The following MOB1A variants were observed in gnomAD, a reference collection of about 807,000 sequenced individuals.
MOB1A encodes the protein MOB1 Mps One Binder homolog A.
A neutral mutation model predicts 25.1 loss-of-function variants in MOB1A; 10 were observed. The ratio of observed to expected loss-of-function variants is 0.40; its 90% CI spans 0.25 to 0.68. The LOEUF (loss-of-function observed/expected upper bound fraction) is 0.68. Among genes scored for constraint, MOB1A ranks in the 30% least tolerant of loss-of-function variants. The probability of loss-of-function intolerance (pLI) is 0.40; values close to 1 mark genes in which losing one functional copy is unlikely to be tolerated. For synonymous variants in MOB1A, 81 were observed against 79.5 expected (o/e 1.02, Z -0.10); for missense variants, 177 against 256.3 (o/e 0.69, Z 2.11).
chr2:74,158,158 C>T (rs1167236291), intron 5 of MOB1A, among the ~76,000 whole-genome samples: 4 of 130,484 alleles, frequency 3.1e-5, no homozygotes, highest in South Asian at 2.3e-4. Context: ...CCAGTCTGGG[C>T]GACAGAGCAA....
chr2:74,157,355 C>G (rs1692833280), intron 5 of MOB1A, among the ~76,000 whole-genome samples: 1 of 152,036 alleles, frequency 6.6e-6, no homozygotes, highest in South Asian at 2.1e-4. Context: ...TCTCCTTTGG[C>G]CCTACACATC....
intron 2 of MOB1A, among the ~76,000 whole-genome samples, chr2:74,167,572 A>T (rs1693168041): frequency 6.6e-6 from 1 of 151,952 alleles, no homozygotes; most frequent in African/African-American, 2.4e-5. Flanking sequence ...TGGATATACA[A>T]TATGATTACA....
chr2:74,163,482 A>G (rs766771447), intron 4 of MOB1A, among the ~76,000 whole-genome samples: 3 of 151,920 alleles, frequency 2.0e-5, no homozygotes, highest in Non-Finnish European at 4.4e-5. Flanking sequence ...ACAAAAAATA[A>G]ACAAAATTAG....
At chr2:74,158,203 A>G (rs373867349) in intron 5 of MOB1A, among the ~76,000 whole-genome samples, 414 of 40,640 alleles carry the variant, frequency 0.01, 2 homozygotes, top group African/African-American at 0.025. Context: ...AAGAGGGGGG[A>G]AAAAAAAAAA....
chr2:74,171,572 G>A (rs1394095217), intron 2 of MOB1A, among the ~76,000 whole-genome samples: 2 of 152,152 alleles, frequency 1.3e-5, no homozygotes, highest in African/African-American at 4.8e-5. Flanking sequence ...GGAATTCACT[G>A]TACTTAGTCT....
In MOB1A at chr2:74,152,889, TGA is replaced by T. The variant is rs1692696260; in HGVS notation, c.*3677_*3678del. Reference sequence around the variant, plus strand: ...ACTTGTTTGGAACAGAATCTGATAATGAGAGAAAACTCAAATGAATGTCAGTG... The same window carrying T: ...ACTTGTTTGGAACAGAATCTGATAATGAGAAAACTCAAATGAATGTCAGTG... On this transcript the variant is annotated 3_prime_UTR_variant, in exon 6 of 6. Transcript: ENST00000396049. The T allele has an allele frequency of 6.6e-6, 1 of 152,190 alleles. No homozygotes were observed. Among genetic ancestry groups the T allele is most frequent in the African/African-American group, 2.4e-5 (1 of 41,442 alleles). The allele number at this position is 152,190 out of a possible 1,614,324, so 9.4% of individuals were successfully genotyped here. A position where few individuals can be genotyped will look rare whatever the true frequency, so the allele number is the denominator to read the frequency against.
intron 4 of MOB1A, among the ~76,000 whole-genome samples, chr2:74,161,165 G>T (rs1692960004): frequency 6.6e-6 from 1 of 152,016 alleles, no homozygotes; most frequent in South Asian, 2.1e-4. Flanking sequence ...GAAAACAAAG[G>T]CTTAAAACAC....
chr2:74,168,513 C>T (rs1178807330), intron 2 of MOB1A, among the ~76,000 whole-genome samples: 1 of 152,138 alleles, frequency 6.6e-6, no homozygotes, highest in African/African-American at 2.4e-5. Context: ...CATGGTGGCA[C>T]ACGCCTGTAG....
chr2:74,166,933 A>C lies in MOB1A; in HGVS notation c.275+81T>G, dbSNP rs75391049. ...AATCACCTTCACACAAACGGATAAC[A>C]AATCTTAACTGTTTAATTTCTATCA... On this transcript the variant is annotated intron_variant, in intron 3 of 5. Transcript: ENST00000396049. 1.8e-4 allele frequency: 186 copies of C among 1,024,804 alleles called. No homozygotes were observed. The East Asian group carries it at 4.4e-3, about 24-fold the overall frequency. The allele number at this position is 1,024,804 out of a possible 1,614,324, so 63.5% of individuals were successfully genotyped here.
intron 2 of MOB1A, among the ~76,000 whole-genome samples, chr2:74,170,186 G>C (rs1190736614): frequency 6.6e-6 from 1 of 151,906 alleles, no homozygotes; most frequent in East Asian, 2.0e-4. Context: ...CTGTCGCCCA[G>C]GCTATAGTGC....
intron 2 of MOB1A, 39 bp downstream of exon 2, chr2:74,172,547 C>T: frequency 6.3e-7 from 1 of 1,580,374 alleles, no homozygotes; most frequent in Non-Finnish European, 8.6e-7. Context: ...TTTAGCAAAA[C>T]CTTTCTAGAA....
At chr2:74,170,724 CAAA>C (rs34655105) in intron 2 of MOB1A, among the ~76,000 whole-genome samples, 2 of 121,898 alleles carry the variant, frequency 1.6e-5, no homozygotes, top group Non-Finnish European at 3.4e-5. Flanking sequence ...GATTCCATCT[CAAA>C]AAAAAAAAAA....
At chr2:74,168,636 AAAAT>A (rs1693198094) in intron 2 of MOB1A, among the ~76,000 whole-genome samples, 1 of 152,194 alleles carries the variant, frequency 6.6e-6, no homozygotes, top group South Asian at 2.1e-4. Flanking sequence ...CTGTCTCGAA[AAAAT>A]AAATAAATAA....
intron 2 of MOB1A, among the ~76,000 whole-genome samples, chr2:74,168,030 G>T (rs1693181315): frequency 6.6e-6 from 1 of 152,112 alleles, no homozygotes; most frequent in South Asian, 2.1e-4. Flanking sequence ...TCCCAGCTAT[G>T]TAGGAGGCTG....
At chr2:74,162,523 T>C (rs929128029) in intron 4 of MOB1A, among the ~76,000 whole-genome samples, 6 of 152,064 alleles carry the variant, frequency 3.9e-5, no homozygotes, top group African/African-American at 1.4e-4. Flanking sequence ...AAAAGAATTA[T>C]TTACCTTCCA....
chr2:74,177,118 G>A (rs1049827943), intron 1 of MOB1A, among the ~76,000 whole-genome samples: 1 of 152,076 alleles, frequency 6.6e-6, no homozygotes, highest in African/African-American at 2.4e-5. Context: ...TTCGAGACCA[G>A]CCTGGCCAAC....
intron 2 of MOB1A, among the ~76,000 whole-genome samples, chr2:74,167,510 G>A (rs1390687867): frequency 6.6e-6 from 1 of 152,076 alleles, no homozygotes; most frequent in African/African-American, 2.4e-5. Flanking sequence ...GTAACAGCAG[G>A]AAAATAAGAT....
At chr2:74,168,626 C>T (rs1299194463) in intron 2 of MOB1A, among the ~76,000 whole-genome samples, 2 of 152,092 alleles carry the variant, frequency 1.3e-5, no homozygotes, top group Admixed American at 6.5e-5. Context: ...CTGGACAACC[C>T]TGTCTCGAAA....
intron 1 of MOB1A, among the ~76,000 whole-genome samples, chr2:74,175,572 C>T (rs919956687): frequency 2.0e-5 from 3 of 152,156 alleles, no homozygotes; most frequent in Non-Finnish European, 4.4e-5. Context: ...CTCAAGCCAT[C>T]CATTCTACTT....
Sources: gnomAD v4.1 joint callset for allele counts (sites outside exome capture counted in the v4.1 genomes callset) on GRCh38, gnomAD v4.1.1 for gene constraint, MANE v1.5 for transcripts, NCBI Gene and HGNC (gene_info 2026-07-23, HGNC 2026-07-21) for gene names.